Variants in HIVEP3 observed in about 807,000 individuals in gnomAD.
The protein encoded by HIVEP3 is HIVEP zinc finger 3, also known as transcription factor HIVEP3.
HIVEP3 carries 49 observed loss-of-function variants against 152.8 expected under a neutral mutation model. The observed-to-expected ratio is 0.32, with a 90% CI of 0.26 to 0.41. The LOEUF is 0.41. Among genes scored for constraint, HIVEP3 ranks in the 10% least tolerant of loss-of-function variants. The pLI is 1.00. For synonymous variants in HIVEP3, 1,269 were observed against 1,289.0 expected, an observed-to-expected ratio of 0.98 and a Z score of 0.33; for missense variants, 2,790 against 3,103.3, an observed-to-expected ratio of 0.90 and a Z score of 2.40.
chr1:41,988,327 A>C (rs1645335971), intron 1 of HIVEP3, among the ~76,000 whole-genome samples: 1 of 152,122 alleles, frequency 6.6e-6, no homozygotes, highest in African/African-American at 2.4e-5. Flanking sequence ...TTGCAAACCA[A>C]TCATCTGATA....
chr1:41,729,534 T>C (rs918565198), intron 1 of HIVEP3, among the ~76,000 whole-genome samples: 2 of 152,222 alleles, frequency 1.3e-5, no homozygotes, highest in Non-Finnish European at 2.9e-5. Context: ...CTTTTTATTC[T>C]GAATGGGTCC....
rs868783557 is a variant in HIVEP3 at position 41,511,312 on chromosome 1, G to A, written c.6406-46C>T. ...AAGGTAAGGTGAAGGTTACATGCTG[G>A]GCACATGGGGAGCCGAGGCCTGGAA... is the stretch of plus-strand genomic sequence containing the variant. On this transcript the variant is annotated intron_variant, in intron 8 of 8. Coordinates refer to ENST00000372583, the MANE Select transcript of HIVEP3 (RefSeq NM_024503.5). The surrounding 1 kb of genome is among the most constrained non-coding windows in gnomAD (Gnocchi z 4.9). 6.8e-7 allele frequency: 1 copy of A among 1,476,086 alleles called. No homozygotes were observed. Among genetic ancestry groups the A allele is most frequent in the Non-Finnish European group, 9.1e-7 (1 of 1,098,018 alleles). 91.4% of individuals were successfully genotyped at this position (1,476,086 alleles called of 1,614,324 possible).
In HIVEP3 at chr1:41,513,341, G is replaced by C. The variant is rs749742893; in HGVS notation, c.5880C>G (p.Tyr1960Ter). ...VEKDTGSALS[Y>*]KPVSPRRPWS... ...ACGGTCTTCTTGGGGACACAGGCTT[G>C]TAGCTCAAGGCTGAGCCTGTGTCTT... Residue 1960 changes from tyrosine (Y) to a stop codon, truncating the protein, a stop_gained, in exon 8 of 9, where the codon TAC (tyrosine) becomes TAG (stop). Coordinates refer to ENST00000372583, the MANE Select transcript of HIVEP3 (RefSeq NM_024503.5). LOFTEE classifies it high-confidence loss of function. 4 of 1,612,886 alleles carry C rather than the reference G, an allele frequency of 2.5e-6. No homozygotes were observed. Among genetic ancestry groups the C allele is most frequent in the Non-Finnish European group, 3.4e-6 (4 of 1,179,988 alleles).
chr1:41,532,955 C>A (rs1459474928), intron 5 of HIVEP3, among the ~76,000 whole-genome samples: 1 of 152,028 alleles, frequency 6.6e-6, no homozygotes, highest in Non-Finnish European at 1.5e-5. Flanking sequence ...CAAACCCTGC[C>A]CTCAAAAAGA....
intron 3 of HIVEP3, among the ~76,000 whole-genome samples, chr1:41,594,772 G>A (rs1049081078): frequency 6.6e-6 from 1 of 151,794 alleles, no homozygotes; most frequent in Non-Finnish European, 1.5e-5. Flanking sequence ...ATGACTTTTA[G>A]GTTTCACATC....
chr1:41,602,759 T>C (rs1644765880), intron 3 of HIVEP3, among the ~76,000 whole-genome samples: 1 of 152,080 alleles, frequency 6.6e-6, no homozygotes, highest in Non-Finnish European at 1.5e-5. Flanking sequence ...TTTCCTTCTG[T>C]TAACCTTGGC....
rs967896752 is a variant in HIVEP3, at chr1:41,533,815, G to C, written c.5208-8905C>G. 5.3e-5 allele frequency among the ~76,000 whole-genome samples: 8 copies of C among 151,888 alleles called. No homozygotes were observed. Among genetic ancestry groups the C allele is most frequent in the African/African-American group, 1.9e-4 (8 of 41,350 alleles). On this transcript the variant is annotated intron_variant, in intron 5 of 8. Transcript: ENST00000372583. This position sits in a 1 kb window ranked among gnomAD's most constrained non-coding sequence, Gnocchi z 4.3. Reference sequence around the variant, plus strand: ...CCCAGCCACTTCTCTCTCGAGTTCCGATGCCTTTGCTATACATCTAACTGC... The same window carrying C: ...CCCAGCCACTTCTCTCTCGAGTTCCCATGCCTTTGCTATACATCTAACTGC...
chr1:41,937,383 A>G (rs1403287031), intron 1 of HIVEP3, among the ~76,000 whole-genome samples: 5 of 152,178 alleles, frequency 3.3e-5, no homozygotes, highest in Non-Finnish European at 5.9e-5. Flanking sequence ...AGTGAGACAC[A>G]AAGAAACTTT....
intron 6 of HIVEP3, among the ~76,000 whole-genome samples, chr1:41,523,233 C>T (rs1642810077): frequency 6.6e-6 from 1 of 152,208 alleles, no homozygotes; most frequent in South Asian, 2.1e-4. Context: ...AGCCCATGTC[C>T]AGGGCGACGC....
chr1:41,930,008 C>G (rs1301705856), intron 1 of HIVEP3, among the ~76,000 whole-genome samples: 1 of 151,982 alleles, frequency 6.6e-6, no homozygotes, highest in South Asian at 2.1e-4. Flanking sequence ...TTGTCTTTAG[C>G]CTTACAGAAT....
chr1:41,968,280 C>T (rs746396702), intron 1 of HIVEP3, among the ~76,000 whole-genome samples: 15 of 151,956 alleles, frequency 9.9e-5, no homozygotes, highest in Admixed American at 3.3e-4. Flanking sequence ...GGCCAATATC[C>T]CTGATGAACA....
intron 1 of HIVEP3, among the ~76,000 whole-genome samples, chr1:41,821,381 A>G (rs531998733): frequency 4.9e-4 from 74 of 152,172 alleles, no homozygotes; most frequent in African/African-American, 1.6e-3. Flanking sequence ...GCACTTCTCA[A>G]ATGCCATCCT....
intron 1 of HIVEP3, among the ~76,000 whole-genome samples, chr1:41,844,682 C>T (rs1261010115): frequency 1.3e-5 from 2 of 152,210 alleles, no homozygotes; most frequent in African/African-American, 4.8e-5. Flanking sequence ...AATCTAGGAC[C>T]TTCAAGTCTC....
In HIVEP3 at chr1:41,881,834, T is replaced by G. The variant is rs1013805256; in HGVS notation, c.-801+36579A>C. Reference sequence around the variant, plus strand: ...CTTACAAAACTTCAGTCCAAATTATTTGGGTTGATAAGTAGAAGTTTCACT... The same window carrying G: ...CTTACAAAACTTCAGTCCAAATTATGTGGGTTGATAAGTAGAAGTTTCACT... On this transcript the variant is annotated intron_variant, in intron 1 of 8. Coordinates refer to ENST00000372583, the MANE Select transcript of HIVEP3 (RefSeq NM_024503.5). Among the ~76,000 whole-genome samples the G allele has an allele frequency of 2.0e-5, 3 of 152,350 alleles. No homozygotes were observed. In the East Asian group the frequency reaches 5.8e-4, roughly 29 times the overall value.
At chr1:41,957,964 G>A (rs1211156080) in intron 1 of HIVEP3, among the ~76,000 whole-genome samples, 2 of 152,198 alleles carry the variant, frequency 1.3e-5, no homozygotes, top group Non-Finnish European at 2.9e-5. Context: ...TAGATATCCT[G>A]GAAATAGGCC....
intron 1 of HIVEP3, among the ~76,000 whole-genome samples, chr1:41,712,907 G>A (rs1646536002): frequency 1.3e-5 from 2 of 152,204 alleles, no homozygotes; most frequent in Non-Finnish European, 2.9e-5. Flanking sequence ...AGTGGAGCCT[G>A]ACAGGAGATC....
intron 1 of HIVEP3, among the ~76,000 whole-genome samples, chr1:41,879,019 G>C (rs993566850): frequency 6.7e-6 from 1 of 150,256 alleles, no homozygotes; most frequent in East Asian, 2.0e-4. Flanking sequence ...TACTTCCCAG[G>C]TCATCCCAGA....
intron 1 of HIVEP3, among the ~76,000 whole-genome samples, chr1:41,950,104 A>G (rs1645097804): frequency 6.6e-6 from 1 of 152,126 alleles, no homozygotes; most frequent in African/African-American, 2.4e-5. Context: ...CACCCGACCA[A>G]TCAGGTAGTA....
chr1:41,830,653 T>G (rs756036438), intron 1 of HIVEP3, among the ~76,000 whole-genome samples: 3 of 152,200 alleles, frequency 2.0e-5, no homozygotes, highest in Non-Finnish European at 4.4e-5. Flanking sequence ...GTGGGACAAC[T>G]CTAAAGAGCC....
Sources: gnomAD v4.1 joint callset for allele counts (sites outside exome capture counted in the v4.1 genomes callset) on GRCh38, gnomAD v4.1.1 for gene constraint, Gnocchi (gnomAD v3.1) non-coding constraint, MANE v1.5 for transcripts, NCBI Gene and HGNC (gene_info 2026-07-23, HGNC 2026-07-21) for gene names.